Variants in MSH4 observed in about 807,000 individuals in gnomAD.
MSH4 encodes mutS protein homolog 4.
A neutral mutation model predicts 113.7 loss-of-function variants in MSH4; 106 were observed. That is an observed-to-expected ratio of 0.93 (90% CI 0.80 to 1.10). The LOEUF (loss-of-function observed/expected upper bound fraction) is 1.10, where lower values mean the gene tolerates loss of function less well. Among genes scored for constraint, MSH4 ranks in the 50% least tolerant of loss-of-function variants. MSH4 has a pLI of 0.00. For missense variants in MSH4, 1,061 were observed against 1,093.7 expected, an observed-to-expected ratio of 0.97 and a Z score of 0.42; for synonymous variants, 368 against 380.2, an observed-to-expected ratio of 0.97 and a Z score of 0.37.
In MSH4 at chr1:75,809,629, CTTT is replaced by C. The variant is rs35082709; in HGVS notation, c.589-1049_589-1047del. Reference sequence around the variant, plus strand: ...TACTGATTGTATTGCCATAGTTACCCTTTTTTTTTTTTTTTTTTTTTGAGACAA... The same window carrying C: ...TACTGATTGTATTGCCATAGTTACCCTTTTTTTTTTTTTTTTTTGAGACAA... On this transcript the variant is annotated intron_variant, in intron 3 of 19. Coordinates refer to ENST00000263187, the MANE Select transcript of MSH4 (RefSeq NM_002440.4). 3.2e-3 allele frequency among the ~76,000 whole-genome samples: 308 copies of C among 96,004 alleles called. 1 individual carries two copies. Among genetic ancestry groups the C allele is most frequent in the South Asian group, 0.021 (55 of 2,624 alleles). The allele number at this position is 96,004 out of a possible 152,430, so 63.0% of individuals were successfully genotyped here.
At chr1:75,808,143 G>A (rs530435378) in intron 3 of MSH4, among the ~76,000 whole-genome samples, 1 of 152,294 alleles carries the variant, frequency 6.6e-6, no homozygotes, top group Admixed American at 6.5e-5. Flanking sequence ...AACTGTGTAT[G>A]TGGTGACCCA....
intron 6 of MSH4, among the ~76,000 whole-genome samples, chr1:75,820,432 GT>G (rs1490446288): frequency 1.3e-5 from 2 of 152,208 alleles, no homozygotes; most frequent in Admixed American, 1.3e-4. Context: ...GAATTTGGCT[GT>G]GAATCCATCT....
At chr1:75,870,689 G>C (rs1467993349) in intron 9 of MSH4, among the ~76,000 whole-genome samples, 1 of 152,108 alleles carries the variant, frequency 6.6e-6, no homozygotes, top group African/African-American at 2.4e-5. Context: ...ATGATTGTGA[G>C]GCCTCCCCAG....
At chr1:75,857,044 A>T (rs1164390115) in intron 8 of MSH4, among the ~76,000 whole-genome samples, 1 of 152,130 alleles carries the variant, frequency 6.6e-6, no homozygotes, top group African/African-American at 2.4e-5. Context: ...ACCAGGGATG[A>T]TAAGCATTTT....
intron 7 of MSH4, among the ~76,000 whole-genome samples, chr1:75,844,337 A>T (rs938615985): frequency 6.6e-6 from 1 of 151,880 alleles, no homozygotes; most frequent in Non-Finnish European, 1.5e-5. Context: ...ATTTTTATTA[A>T]TTTTTTTGAG....
chr1:75,890,224 T>C (rs1468481555), intron 16 of MSH4, among the ~76,000 whole-genome samples: 2 of 152,056 alleles, frequency 1.3e-5, no homozygotes, highest in African/African-American at 4.8e-5. Flanking sequence ...ATTTATTTGT[T>C]AAACCAAGAA....
chr1:75,890,856 A>G (rs1310190349), intron 17 of MSH4, 32 bp downstream of exon 17: 2 of 1,461,950 alleles, frequency 1.4e-6, no homozygotes, highest in Non-Finnish European at 9.4e-7. Context: ...ATTGATTTTG[A>G]GTCCTTCTTT....
At chr1:75,806,903 A>G in intron 2 of MSH4, 78 bp from the exon 3 acceptor site, 1 of 1,321,826 alleles carries the variant, frequency 7.6e-7, no homozygotes, top group Non-Finnish European at 1.0e-6. Flanking sequence ...CTCTTGATTA[A>G]GAATTTCCTA....
At position 75,849,632 on chromosome 1, in the gene MSH4, C is replaced by G. The variant is rs150807793; in HGVS notation, c.1230+1356C>G. Among the ~76,000 whole-genome samples, 208 of 152,252 alleles carry G rather than the reference C, an allele frequency of 1.4e-3. 1 individual carries two copies. Among genetic ancestry groups the G allele is most frequent in the African/African-American group, 4.4e-3 (182 of 41,554 alleles). ...CCTTAAATAATTGAAGCTGCTTATACTTCAATGTATACAAATGGGAAGTAA... is the reference window on the plus strand; with the variant it reads ...CCTTAAATAATTGAAGCTGCTTATAGTTCAATGTATACAAATGGGAAGTAA... On this transcript the variant is annotated intron_variant, in intron 8 of 19. Transcript: ENST00000263187.
chr1:75,898,365 T>G (rs1652430145), intron 18 of MSH4, among the ~76,000 whole-genome samples: 1 of 152,086 alleles, frequency 6.6e-6, no homozygotes. Flanking sequence ...GTAATTTATC[T>G]TATATTTGCA....
chr1:75,803,958 A>G, intron 2 of MSH4, 45 bp downstream of exon 2: 1 of 1,298,536 alleles, frequency 7.7e-7, no homozygotes. Flanking sequence ...TTGAAACTTA[A>G]AAGTTTTATA....
intron 12 of MSH4, 84 bp from the exon 13 acceptor site, chr1:75,879,966 A>G (rs1327008235): frequency 2.9e-6 from 2 of 688,172 alleles, no homozygotes; most frequent in Non-Finnish European, 5.1e-6. Flanking sequence ...ATTAACCTAA[A>G]TACCCATATT....
chr1:75,909,112 C>G (rs761931273), intron 19 of MSH4, among the ~76,000 whole-genome samples: 1 of 152,106 alleles, frequency 6.6e-6, no homozygotes, highest in East Asian at 1.9e-4. Context: ...GTGGTGCTTC[C>G]TGTGGGTTTA....
rs1173136325 is a variant in MSH4 at position 75,906,827 on chromosome 1, GTCTTTTTTTTTT to G, written c.2620-5856_2620-5845del. ...CTGTAGTTACTATTTTCATAAACGT[GTCTTTTTTTTTT>G]TCTTTTTTTTTTGAGATTGAGTCTC... On this transcript the variant is annotated intron_variant, in intron 19 of 19. Coordinates refer to ENST00000263187, the MANE Select transcript of MSH4 (RefSeq NM_002440.4). 1.0e-4 allele frequency among the ~76,000 whole-genome samples: 15 copies of G among 146,910 alleles called. 2 individuals are homozygous for G. In the East Asian group the frequency reaches 1.1e-3, roughly 11 times the overall value.
chr1:75,810,822 C>G lies in MSH4; in HGVS notation c.699+15C>G, dbSNP rs1195521511. ...AAAATTTCAAGGTAAGTGATGTTTA[C>G]TGTTTGTAACATTCAAGATCTAATC... On this transcript the variant is annotated intron_variant, in intron 4 of 19. Transcript: ENST00000263187. 8.4e-7 allele frequency: 1 copy of G among 1,194,618 alleles called. No individual in the cohort carries two copies. The highest frequency in any genetic ancestry group is 2.2e-5 in the Admixed American group (1 of 46,226). The allele number at this position is 1,194,618 out of a possible 1,614,324, so 74.0% of individuals were successfully genotyped here.
chr1:75,826,420 T>G (rs767343112), intron 7 of MSH4, among the ~76,000 whole-genome samples: 4 of 152,196 alleles, frequency 2.6e-5, no homozygotes, highest in Non-Finnish European at 4.4e-5. Flanking sequence ...AGCTCCCCGG[T>G]TCATGGAGTT....
chr1:75,803,677 C>A lies in MSH4; in HGVS notation c.245-54C>A. 3 of 1,244,146 alleles carry A rather than the reference C, an allele frequency of 2.4e-6. No individual in the cohort carries two copies. In the South Asian group the frequency reaches 5.0e-5, roughly 21 times the overall value. The allele number at this position is 1,244,146 out of a possible 1,614,324, so 77.1% of individuals were successfully genotyped here. On this transcript the variant is annotated intron_variant, in intron 1 of 19. Transcript: ENST00000263187. Reference sequence around the variant, plus strand: ...ATGGTATAAATTATAATGACTAATACATCATTGCATAATTCAAATCTTTAA... The same window carrying A: ...ATGGTATAAATTATAATGACTAATAAATCATTGCATAATTCAAATCTTTAA...
intron 7 of MSH4, among the ~76,000 whole-genome samples, chr1:75,823,190 G>C (rs924195751): frequency 3.3e-5 from 5 of 152,104 alleles, no homozygotes; most frequent in Non-Finnish European, 7.4e-5. Flanking sequence ...TTCTCCCTGC[G>C]TGTCTTCACA....
intron 15 of MSH4, among the ~76,000 whole-genome samples, chr1:75,886,800 G>GTA (rs1352555036): frequency 1.9e-4 from 22 of 114,898 alleles, no homozygotes; most frequent in East Asian, 9.9e-4. Flanking sequence ...ATACTAAACA[G>GTA]TATATATATA....
Sources: allele counts gnomAD v4.1 joint callset (sites outside exome capture counted in the v4.1 genomes callset), GRCh38; gene constraint gnomAD v4.1.1; transcripts MANE v1.5; gene names NCBI Gene and HGNC (gene_info 2026-07-23, HGNC 2026-07-21).